KLF12: variants seen among roughly 807,000 people sequenced by gnomAD.
KLF12 encodes Krueppel-like factor 12.
KLF12 carries 9 observed loss-of-function variants against 37.8 expected under a neutral mutation model. The observed-to-expected ratio is 0.24, with a 90% CI of 0.14 to 0.42. The LOEUF is 0.42. KLF12 is among the 10% of genes least tolerant of loss of function. KLF12 has a pLI of 1.00. For synonymous variants in KLF12, 208 were observed against 202.1 expected (o/e 1.03, Z -0.25); for missense variants, 411 against 516.0 (o/e 0.80, Z 1.97).
chr13:74,029,920 G>C (rs1252215591), intron 1 of KLF12, among the ~76,000 whole-genome samples: 3 of 152,106 alleles, frequency 2.0e-5, no homozygotes, highest in Non-Finnish European at 4.4e-5. Context: ...AAAGGAAGGA[G>C]AGTTGAGGCC....
chr13:73,823,829 GC>G (rs1340460376), intron 4 of KLF12, among the ~76,000 whole-genome samples: 1 of 152,034 alleles, frequency 6.6e-6, no homozygotes, highest in African/African-American at 2.4e-5. Flanking sequence ...TCCTGTCTCA[GC>G]CTCCCGAGTA....
chr13:73,784,406 C>A (rs1212237220), intron 5 of KLF12, among the ~76,000 whole-genome samples: 1 of 152,060 alleles, frequency 6.6e-6, no homozygotes, highest in Non-Finnish European at 1.5e-5. Context: ...ACCTTTCTCT[C>A]CAGACTTGTA....
intron 1 of KLF12, among the ~76,000 whole-genome samples, chr13:74,060,504 G>GTGTGTGTC (rs1555336681): frequency 2.3e-4 from 35 of 150,560 alleles, no homozygotes; most frequent in African/African-American, 3.4e-4. Context: ...GTGTGTGTGT[G>GTGTGTGTC]TGTGTGTGTG....
At position 73,973,615 on chromosome 13, in the gene KLF12, G is replaced by C. The variant is rs1205315431; in HGVS notation, c.33+21375C>G. ...ATAGGTCTCAACTATAGTATGAAAA[G>C]GCAGAAAGAAAGATTAACCAACACA... is the stretch of plus-strand genomic sequence containing the variant. On this transcript the variant is annotated intron_variant, in intron 2 of 7. Coordinates refer to ENST00000377669, the MANE Select transcript of KLF12 (RefSeq NM_007249.5). 9.0e-5 allele frequency among the ~76,000 whole-genome samples: 9 copies of C among 100,510 alleles called. No individual in the cohort carries two copies. The Admixed American group carries it at 1.1e-3, about 12-fold the overall frequency. 65.9% of individuals were successfully genotyped at this position (100,510 alleles called of 152,430 possible).
intron 3 of KLF12, among the ~76,000 whole-genome samples, chr13:73,929,350 G>A (rs1214140885): frequency 6.6e-6 from 1 of 152,112 alleles, no homozygotes; most frequent in Non-Finnish European, 1.5e-5. Context: ...CCATGAGGCA[G>A]ATATTATAAT....
chr13:74,260,819 A>G, the KLF12 span, among the ~76,000 whole-genome samples: 3 of 152,096 alleles, frequency 2.0e-5, no homozygotes, highest in East Asian at 1.9e-4. Context: ...TTAATAACAA[A>G]CATACAAAGA....
intron 1 of KLF12, among the ~76,000 whole-genome samples, chr13:74,007,719 A>T (rs974815647): frequency 2.6e-5 from 4 of 152,242 alleles, no homozygotes; most frequent in Admixed American, 6.5e-5. Flanking sequence ...AGCAGAAAAT[A>T]TGAAGAATAG....
chr13:73,834,450 T>C (rs564207463), intron 4 of KLF12, among the ~76,000 whole-genome samples: 3 of 152,372 alleles, frequency 2.0e-5, no homozygotes, highest in East Asian at 1.9e-4. Flanking sequence ...ACATTCTGTT[T>C]TCCTGAACTC....
chr13:74,269,684 C>T, the KLF12 span, among the ~76,000 whole-genome samples: 1 of 152,080 alleles, frequency 6.6e-6, no homozygotes, highest in Non-Finnish European at 1.5e-5. Flanking sequence ...ATTTTTGCTG[C>T]CCAGGAGCTC....
At chr13:73,972,899 CATG>C (rs1891388938) in intron 2 of KLF12, among the ~76,000 whole-genome samples, 1 of 151,730 alleles carries the variant, frequency 6.6e-6, no homozygotes, top group Admixed American at 6.6e-5. Flanking sequence ...AGGTACTGGG[CATG>C]ATGGTTTCAT....
chr13:73,717,762 G>A (rs1293367980), intron 6 of KLF12, among the ~76,000 whole-genome samples: 2 of 152,112 alleles, frequency 1.3e-5, no homozygotes, highest in African/African-American at 2.4e-5. Flanking sequence ...GGAGTCTATC[G>A]TGAAAGGAGT....
intron 3 of KLF12, among the ~76,000 whole-genome samples, chr13:73,879,937 G>A (rs1886900073): frequency 6.6e-6 from 1 of 152,094 alleles, no homozygotes; most frequent in African/African-American, 2.4e-5. Flanking sequence ...CCCTTGCTCT[G>A]CCCCACTCCT....
chr13:74,097,807 T>C (rs538250996), intron 1 of KLF12, among the ~76,000 whole-genome samples: 1 of 151,844 alleles, frequency 6.6e-6, no homozygotes, highest in South Asian at 2.1e-4. Context: ...CAGCAACACA[T>C]AATTTCCCCA....
chr13:74,278,628 G>A, the KLF12 span, among the ~76,000 whole-genome samples: 1 of 152,226 alleles, frequency 6.6e-6, no homozygotes, highest in Non-Finnish European at 1.5e-5. Context: ...CAGAGAGTGA[G>A]GACCACATTG....
rs142634668 is a variant in KLF12, at chr13:74,015,509, C to T, written c.-31-20456G>A. On this transcript the variant is annotated intron_variant, in intron 1 of 7. Coordinates refer to ENST00000377669, the MANE Select transcript of KLF12 (RefSeq NM_007249.5). ...ATTATTACTTTTATCCACCCTAGTGCGCCCATGAGTTTCACAGGGTTGGGT... is the reference window on the plus strand; with the variant it reads ...ATTATTACTTTTATCCACCCTAGTGTGCCCATGAGTTTCACAGGGTTGGGT... Among the ~76,000 whole-genome samples the T allele has an allele frequency of 7.4e-3, 1,132 of 152,176 alleles. 20 individuals carry two copies. Among genetic ancestry groups the T allele is most frequent in the African/African-American group, 0.026 (1,074 of 41,466 alleles).
chr13:74,191,753 C>T, the KLF12 span, among the ~76,000 whole-genome samples: 1 of 152,068 alleles, frequency 6.6e-6, no homozygotes, highest in Non-Finnish European at 1.5e-5. Context: ...TTTCTTAGAA[C>T]ATCAGAAAGG....
chr13:73,704,767 A>G (rs1874813648), intron 7 of KLF12, among the ~76,000 whole-genome samples: 1 of 152,148 alleles, frequency 6.6e-6, no homozygotes, highest in South Asian at 2.1e-4. Flanking sequence ...CCGACTCAGC[A>G]GTGCCGACTC....
intron 1 of KLF12, among the ~76,000 whole-genome samples, chr13:74,095,804 T>C (rs1398913961): frequency 6.6e-6 from 1 of 152,254 alleles, no homozygotes; most frequent in East Asian, 1.9e-4. Flanking sequence ...TGGGTTACTA[T>C]TTTGAATACT....
the KLF12 span, among the ~76,000 whole-genome samples, chr13:74,282,717 C>A: frequency 6.6e-6 from 1 of 152,098 alleles, no homozygotes; most frequent in Non-Finnish European, 1.5e-5. Flanking sequence ...AAATTTGAAC[C>A]AAAGAACCAA....
Sources: gnomAD v4.1 joint callset for allele counts (sites outside exome capture counted in the v4.1 genomes callset) on GRCh38, gnomAD v4.1.1 for gene constraint, MANE v1.5 for transcripts, NCBI Gene and HGNC (gene_info 2026-07-23, HGNC 2026-07-21) for gene names.